NAT1: variants seen among roughly 807,000 people sequenced by gnomAD.
NAT1 encodes arylamine N-acetyltransferase 1.
For synonymous variants in NAT1, 144 were observed against 122.6 expected (o/e 1.17, Z -1.16); for missense variants, 400 against 339.2 (o/e 1.18, Z -1.41).
At chr8:18,206,397 C>T (rs1803721602), upstream of NAT1, among the ~76,000 whole-genome samples, 1 of 152,152 alleles carries the variant, frequency 6.6e-6, no homozygotes, top group African/African-American at 2.4e-5. Flanking sequence ...TACGTGGCTG[C>T]ATCTAGTCAG....
chr8:18,185,267 G>A (rs1802688931), intron 2 of NAT1, among the ~76,000 whole-genome samples: 2 of 152,112 alleles, frequency 1.3e-5, no homozygotes, highest in Non-Finnish European at 2.9e-5. Context: ...CGCCAGCAAA[G>A]CCATCTAGGC....
chr8:18,178,641 A>C (rs1802385082), intron 2 of NAT1, among the ~76,000 whole-genome samples: 1 of 152,200 alleles, frequency 6.6e-6, no homozygotes, highest in Non-Finnish European at 1.5e-5. Flanking sequence ...CATTTAAGTC[A>C]CAGATGAATA....
Position 18,176,073 on chromosome 8 carries a change from A to C in NAT1, n.92+5334A>C, listed in dbSNP as rs190998550. Among the ~76,000 whole-genome samples the C allele has an allele frequency of 2.6e-4, 39 of 151,884 alleles. No individual in the cohort carries two copies. The East Asian group carries it at 5.0e-3, about 20-fold the overall frequency. On this transcript the variant is annotated intron_variant and non_coding_transcript_variant, in intron 2 of 4. Coordinates refer to the NAT1 transcript ENST00000517441. The stretch of plus-strand genomic sequence containing the variant: ...CATGTTGTTTGTTTTCTTGCTCTTG[A>C]GTTGTTTGAGTTCCTTATATATTTT...
chr8:18,190,248 G>T (rs1266406435), intron 2 of NAT1, among the ~76,000 whole-genome samples: 1 of 152,222 alleles, frequency 6.6e-6, no homozygotes, highest in Non-Finnish European at 1.5e-5. Context: ...ACTGTTGTAA[G>T]TTTAATTAAG....
chr8:18,198,485 T>G (rs1166620122), intron 2 of NAT1, among the ~76,000 whole-genome samples: 1 of 152,172 alleles, frequency 6.6e-6, no homozygotes, highest in African/African-American at 2.4e-5. Context: ...GAGCTCTCAG[T>G]AGTGTTGAGG....
chr8:18,171,031 A>G (rs1001990733), intron 2 of NAT1, among the ~76,000 whole-genome samples: 6 of 152,160 alleles, frequency 3.9e-5, no homozygotes, highest in Non-Finnish European at 8.8e-5. Flanking sequence ...GGATCCAGTT[A>G]AAGGCCTTGG....
chr8:18,173,528 C>T (rs775655140), intron 2 of NAT1, among the ~76,000 whole-genome samples: 7 of 152,302 alleles, frequency 4.6e-5, no homozygotes, highest in East Asian at 1.9e-4. Flanking sequence ...TTTCTAATAA[C>T]TGGGATGGCA....
intron 2 of NAT1, among the ~76,000 whole-genome samples, chr8:18,194,005 C>G (rs188264903): frequency 7.9e-5 from 12 of 152,268 alleles, no homozygotes; most frequent in African/African-American, 2.4e-4. Flanking sequence ...CGTCCTCTTT[C>G]AAACCTGTGG....
chr8:18,176,783 T>C (rs4921575), intron 2 of NAT1, among the ~76,000 whole-genome samples: 27,181 of 151,898 alleles, frequency 0.18, 2,695 homozygotes, highest in South Asian at 0.32. Context: ...AGGAGTTGTA[T>C]TGAGTCTGTA....
At position 18,214,798 on chromosome 8, in the gene NAT1, A is replaced by G. The variant is rs529181160; in HGVS notation, c.-85-4613A>G. On this transcript the variant is annotated intron_variant, in intron 1 of 2. Transcript: ENST00000307719. ...ATTTTATCACCCAGGTATTAAGCCTACTACCCGTTAGTAATTTTTCCTGAT... is the reference window on the plus strand; with the variant it reads ...ATTTTATCACCCAGGTATTAAGCCTGCTACCCGTTAGTAATTTTTCCTGAT... Among the ~76,000 whole-genome samples the G allele has an allele frequency of 4.9e-3, 740 of 152,312 alleles. 11 individuals are homozygous for G. Among genetic ancestry groups the G allele is most frequent in the African/African-American group, 0.017 (696 of 41,570 alleles).
chr8:18,172,621 A>C (rs1366223352), intron 2 of NAT1, among the ~76,000 whole-genome samples: 2 of 152,166 alleles, frequency 1.3e-5, no homozygotes, highest in African/African-American at 4.8e-5. Context: ...GGCTCAGCTC[A>C]GTGGTAAACT....
At chr8:18,187,244 G>T (rs1305866585) in intron 2 of NAT1, among the ~76,000 whole-genome samples, 1 of 152,180 alleles carries the variant, frequency 6.6e-6, no homozygotes, top group African/African-American at 2.4e-5. Context: ...CTTATACACT[G>T]CTGGTAGGAG....
chr8:18,177,629 T>C (rs1563160919), intron 2 of NAT1, among the ~76,000 whole-genome samples: 1 of 152,148 alleles, frequency 6.6e-6, no homozygotes, highest in African/African-American at 2.4e-5. Context: ...TAATGATAAA[T>C]GCAGTGGGAG....
At chr8:18,189,230 G>A (rs1802879719) in intron 2 of NAT1, among the ~76,000 whole-genome samples, 1 of 151,984 alleles carries the variant, frequency 6.6e-6, no homozygotes, top group Non-Finnish European at 1.5e-5. Flanking sequence ...ATGTTTTATG[G>A]CAGCAATTTT....
intron 2 of NAT1, among the ~76,000 whole-genome samples, chr8:18,194,583 G>C (rs2117269783): frequency 6.6e-6 from 1 of 152,230 alleles, no homozygotes; most frequent in South Asian, 2.1e-4. Flanking sequence ...TACTTTGGGA[G>C]GCTGAGGCAG....
chr8:18,185,074 G>C (rs1802679157), intron 2 of NAT1, among the ~76,000 whole-genome samples: 1 of 151,628 alleles, frequency 6.6e-6, no homozygotes, highest in Non-Finnish European at 1.5e-5. Context: ...GCTTGTTTCG[G>C]TTTCAGGAGT....
chr8:18,193,599 G>A (rs961365748), intron 2 of NAT1, among the ~76,000 whole-genome samples: 5 of 146,384 alleles, frequency 3.4e-5, no homozygotes, highest in East Asian at 2.0e-4. Flanking sequence ...TGTGAAAAAC[G>A]GGATATTGTA....
At chr8:18,221,219 G>C (rs1404657026) in intron 2 of NAT1, among the ~76,000 whole-genome samples, 2 of 150,638 alleles carry the variant, frequency 1.3e-5, no homozygotes, top group Non-Finnish European at 2.9e-5. Context: ...GTTATTTTCT[G>C]TTTTCCTACT....
At chr8:18,205,661 CA>C (rs1803682712), upstream of NAT1, among the ~76,000 whole-genome samples, 1 of 152,204 alleles carries the variant, frequency 6.6e-6, no homozygotes, top group South Asian at 2.1e-4. Context: ...TCTGCCCATT[CA>C]GACACATGCC....
Sources: allele counts gnomAD v4.1 joint callset (sites outside exome capture counted in the v4.1 genomes callset), GRCh38; gene constraint gnomAD v4.1.1; transcripts MANE v1.5; gene names NCBI Gene and HGNC (gene_info 2026-07-23, HGNC 2026-07-21).